The following SLC2A13 variants were observed in gnomAD, a reference collection of about 807,000 sequenced individuals.
SLC2A13 encodes the protein solute carrier family 2 member 13.
SLC2A13 carries 32 observed loss-of-function variants against 64.4 expected under a neutral mutation model. The ratio of observed to expected loss-of-function variants is 0.50; its 90% confidence interval spans 0.37 to 0.67. SLC2A13 has a LOEUF of 0.67. Ranked by LOEUF, SLC2A13 falls within the 30% of genes least tolerant of loss-of-function variation. The pLI, the probability that SLC2A13 is intolerant of heterozygous loss-of-function variation, is 0.00. For missense variants in SLC2A13, 743 were observed against 829.2 expected, an observed-to-expected ratio of 0.90 and a Z score of 1.28; for synonymous variants, 338 against 327.1, an observed-to-expected ratio of 1.03 and a Z score of -0.36.
chr12:40,058,620 A>G (rs1319747970), intron 1 of SLC2A13, among the ~76,000 whole-genome samples: 3 of 152,164 alleles, frequency 2.0e-5, no homozygotes, highest in African/African-American at 7.2e-5. Context: ...TCAATTTCAT[A>G]TTTTGTTCTT....
intron 4 of SLC2A13, among the ~76,000 whole-genome samples, chr12:39,899,183 T>C (rs1451695852): frequency 1.3e-5 from 2 of 152,190 alleles, no homozygotes; most frequent in Non-Finnish European, 2.9e-5. Context: ...TATTCAGAGA[T>C]TGAACTTCTT....
At chr12:39,834,548 G>C (rs948332675) in intron 6 of SLC2A13, among the ~76,000 whole-genome samples, 5 of 151,966 alleles carry the variant, frequency 3.3e-5, no homozygotes, top group Admixed American at 1.3e-4. Context: ...TATTAAAAAA[G>C]CATGAAAAAC....
At chr12:39,852,412 T>C (rs1009918296) in intron 6 of SLC2A13, among the ~76,000 whole-genome samples, 2 of 152,216 alleles carry the variant, frequency 1.3e-5, no homozygotes, top group Admixed American at 1.3e-4. Flanking sequence ...AAAATTCCTG[T>C]GACAAATCTG....
intron 1 of SLC2A13, among the ~76,000 whole-genome samples, chr12:40,060,220 A>G (rs867148959): frequency 6.6e-6 from 1 of 152,176 alleles, no homozygotes; most frequent in Non-Finnish European, 1.5e-5. Context: ...CAGGTAAATA[A>G]CATATGATAG....
In SLC2A13 at chr12:39,885,715, C is replaced by T. The variant is rs140336788; in HGVS notation, c.1035-13754G>A. On this transcript the variant is annotated intron_variant, in intron 4 of 9. Transcript: ENST00000280871. Reference sequence around the variant, plus strand: ...TGAATCATGGAATAAAACATGTCTTCCCTTTTGTACTAGCTGCTAAAACAT... The same window carrying T: ...TGAATCATGGAATAAAACATGTCTTTCCTTTTGTACTAGCTGCTAAAACAT... Among the ~76,000 whole-genome samples, 15 of 152,280 alleles carry T rather than the reference C, an allele frequency of 9.9e-5. No individual in the cohort carries two copies. The East Asian group carries it at 2.9e-3, about 29-fold the overall frequency.
intron 7 of SLC2A13, among the ~76,000 whole-genome samples, chr12:39,771,448 T>A (rs968588702): frequency 1.3e-5 from 2 of 152,088 alleles, no homozygotes; most frequent in African/African-American, 4.8e-5. Flanking sequence ...GCAGCCTCTG[T>A]CCAACAGCAA....
intron 4 of SLC2A13, among the ~76,000 whole-genome samples, chr12:39,904,049 G>A (rs778730574): frequency 1.3e-5 from 2 of 152,058 alleles, no homozygotes; most frequent in Non-Finnish European, 2.9e-5. Flanking sequence ...CAGTCTTACT[G>A]ATTATACACA....
chr12:39,936,862 G>A (rs1945926222), intron 4 of SLC2A13, among the ~76,000 whole-genome samples: 1 of 152,170 alleles, frequency 6.6e-6, no homozygotes, highest in African/African-American at 2.4e-5. Context: ...AAGTAGAAAT[G>A]TCCAGCAGTT....
At position 39,913,511 on chromosome 12, in the gene SLC2A13, C is replaced by CAA. The variant is rs71449498; in HGVS notation, c.1034+37744_1034+37745dup. Reference sequence around the variant, plus strand: ...AAAAGACTGATTTAGATTTGATTTACAAAAAAAAAAAATCTAGCATTAAAT... The same window carrying CAA: ...AAAAGACTGATTTAGATTTGATTTACAAAAAAAAAAAAAATCTAGCATTAAAT... On this transcript the variant is annotated intron_variant, in intron 4 of 9. Coordinates refer to ENST00000280871, the MANE Select transcript of SLC2A13 (RefSeq NM_052885.4). Among the ~76,000 whole-genome samples the CAA allele has an allele frequency of 6.8e-3, 898 of 132,802 alleles. 17 individuals carry two copies. Among genetic ancestry groups the CAA allele is most frequent in the African/African-American group, 0.023 (827 of 35,812 alleles). 87.1% of individuals were successfully genotyped at this position (132,802 alleles called of 152,430 possible). A position where few individuals can be genotyped will look rare whatever the true frequency, so the allele number is the denominator to read the frequency against.
chr12:39,943,962 A>G (rs536662682), intron 4 of SLC2A13, among the ~76,000 whole-genome samples: 1 of 152,136 alleles, frequency 6.6e-6, no homozygotes, highest in Non-Finnish European at 1.5e-5. Context: ...CCAGCAAGAC[A>G]GACTTTGATG....
intron 4 of SLC2A13, among the ~76,000 whole-genome samples, chr12:39,877,182 C>T (rs755378565): frequency 1.3e-5 from 2 of 152,050 alleles, no homozygotes; most frequent in South Asian, 2.1e-4. Flanking sequence ...TATAAAGACA[C>T]ATCTAAGACT....
chr12:39,869,284 T>C (rs187925689), intron 5 of SLC2A13, among the ~76,000 whole-genome samples: 3 of 152,292 alleles, frequency 2.0e-5, no homozygotes, highest in East Asian at 3.9e-4. Context: ...ATTCTGAAGG[T>C]GTAAAGGTCC....
chr12:40,099,872 C>T (rs569176645), intron 1 of SLC2A13, among the ~76,000 whole-genome samples: 1 of 151,650 alleles, frequency 6.6e-6, no homozygotes, highest in African/African-American at 2.4e-5. Context: ...TCAAAAACAA[C>T]CAAAAAGAAA....
At chr12:39,856,673 CT>C (rs1213698087) in intron 6 of SLC2A13, among the ~76,000 whole-genome samples, 2 of 151,992 alleles carry the variant, frequency 1.3e-5, no homozygotes, top group Non-Finnish European at 2.9e-5. Context: ...AGCCCCTATG[CT>C]TTGTTTTTAA....
intron 4 of SLC2A13, among the ~76,000 whole-genome samples, chr12:39,913,573 T>TG (rs1472207335): frequency 6.6e-6 from 1 of 150,932 alleles, no homozygotes; most frequent in African/African-American, 2.4e-5. Flanking sequence ...ATGGAAGAGA[T>TG]GGACAAAAAA....
chr12:39,842,201 G>A (rs1216238766), intron 6 of SLC2A13, among the ~76,000 whole-genome samples: 1 of 152,014 alleles, frequency 6.6e-6, no homozygotes, highest in Non-Finnish European at 1.5e-5. Context: ...AAGAAAATAA[G>A]CTAAAACTAA....
intron 4 of SLC2A13, among the ~76,000 whole-genome samples, chr12:39,948,062 T>C (rs1013146117): frequency 3.9e-5 from 6 of 152,294 alleles, no homozygotes; most frequent in East Asian, 3.9e-4. Flanking sequence ...TGAGATACAG[T>C]GCAATGATAC....
intron 3 of SLC2A13, among the ~76,000 whole-genome samples, chr12:39,999,598 C>A (rs1001897855): frequency 6.6e-6 from 1 of 152,170 alleles, no homozygotes. Context: ...TGCTCTCAAA[C>A]CCTGTTTTCT....
chr12:39,799,829 G>A (rs184694849), intron 7 of SLC2A13, among the ~76,000 whole-genome samples: 12 of 152,340 alleles, frequency 7.9e-5, no homozygotes, highest in Admixed American at 4.6e-4. Flanking sequence ...GCTGGATCAT[G>A]AGTTCACATG....
Sources: allele counts gnomAD v4.1 joint callset (sites outside exome capture counted in the v4.1 genomes callset), GRCh38; gene constraint gnomAD v4.1.1; transcripts MANE v1.5; gene names NCBI Gene and HGNC (gene_info 2026-07-23, HGNC 2026-07-21).